Variants in NSUN6 observed in about 807,000 individuals in gnomAD.
NSUN6 encodes the protein NOP2/Sun RNA methyltransferase 6, also known as tRNA (cytosine(72)-C(5))-methyltransferase NSUN6.
In NSUN6, 64 loss-of-function variants were observed where a neutral mutation model predicts 58.0. The observed-to-expected ratio is 1.10, with a 90% CI of 0.90 to 1.36. The LOEUF (loss-of-function observed/expected upper bound fraction) is 1.36. Ranked by LOEUF, NSUN6 falls within the 40% of genes most tolerant of loss-of-function variation. The pLI is 0.00. For missense variants in NSUN6, 701 were observed against 550.1 expected (o/e 1.27, Z -2.74); for synonymous variants, 231 against 193.9 (o/e 1.19, Z -1.59).
At chr10:18,652,127 CACAG>C, upstream of NSUN6, 7 of 985,222 alleles carry the variant, frequency 7.1e-6, no homozygotes, top group Non-Finnish European at 8.4e-6. Context: ...ACTTAAAACC[CACAG>C]ACAGTGTTTA....
chr10:18,650,992 G>T (rs2059687472), intron 1 of NSUN6, 137 bp downstream of exon 1: 2 of 932,502 alleles, frequency 2.1e-6, no homozygotes, highest in African/African-American at 1.7e-5. Context: ...AAACATATTG[G>T]TATTTTTACA....
rs7080098 is a variant in NSUN6 at position 18,649,551 on chromosome 10, C to T, written c.76-906G>A. Among the ~76,000 whole-genome samples the T allele has an allele frequency of 1.0e-2, 1,513 of 151,676 alleles. 31 individuals carry two copies. Among genetic ancestry groups the T allele is most frequent in the African/African-American group, 0.035 (1,457 of 41,320 alleles). On this transcript the variant is annotated intron_variant, in intron 1 of 10. Coordinates refer to ENST00000377304, the MANE Select transcript of NSUN6 (RefSeq NM_182543.5). ...GCTGAGGTGAGAGGATCACTTGAGT[C>T]CCAGAGGTCGAAGCAGCAGTGAGCT...
rs1308810498 is a variant in NSUN6 at position 18,614,484 on chromosome 10, A to G, written c.551T>C (p.Ile184Thr). 5.8e-6 allele frequency: 9 copies of G among 1,553,702 alleles called. No homozygotes were observed. Among genetic ancestry groups the G allele is most frequent in the Non-Finnish European group, 6.9e-6 (8 of 1,154,552 alleles). ...NGISELSRKEIFSGLPELKGM... is the reference protein window; with the variant it reads ...NGISELSRKETFSGLPELKGM... ...CTTCAGTTCAGGTAATCCACTGAAG[A>G]TTTCTTTGCGGCTTAGTTCAGAAAT... is the stretch of plus-strand genomic sequence containing the variant. The change falls in exon 5 of 11, where the codon ATC (isoleucine) becomes ACC (threonine). Residue 184 changes from isoleucine to threonine, a missense_variant. Ile to Thr is a moderately conservative substitution (Grantham distance 89). Coordinates refer to ENST00000377304, the MANE Select transcript of NSUN6 (RefSeq NM_182543.5).
intron 3 of NSUN6, among the ~76,000 whole-genome samples, chr10:18,626,259 G>A (rs1256894823): frequency 6.6e-6 from 1 of 151,728 alleles, no homozygotes; most frequent in Non-Finnish European, 1.5e-5. Flanking sequence ...AGAAAAACTG[G>A]CCAGGCATGG....
At position 18,642,492 on chromosome 10, in the gene NSUN6, G is replaced by A. The variant is rs912504458; in HGVS notation, c.295C>T (p.Pro99Ser). 14 of 1,527,680 alleles carry A rather than the reference G, an allele frequency of 9.2e-6. No homozygotes were observed. Among genetic ancestry groups the A allele is most frequent in the Non-Finnish European group, 1.2e-5 (13 of 1,102,992 alleles). The allele number at this position is 1,527,680 out of a possible 1,614,324, so 94.6% of individuals were successfully genotyped here. ...HPDLQDVLLI[P>S]VIGPRKNIKK... ...CTTACAAACCTGGGTCCAATAACAG[G>A]AATAAGTAACACATCTTGAAGGTCT... is the stretch of plus-strand genomic sequence containing the variant. Residue 99 changes from proline to serine, a missense_variant, in exon 3 of 11, where the codon CCT becomes TCT. Pro to Ser is a moderately conservative substitution (Grantham distance 74). Transcript: ENST00000377304.
intron 8 of NSUN6, among the ~76,000 whole-genome samples, chr10:18,573,095 T>C (rs913079697): frequency 1.3e-5 from 2 of 149,380 alleles, no homozygotes; most frequent in African/African-American, 5.0e-5. Flanking sequence ...TCCATTCCAT[T>C]CCATCCTCCG....
intron 8 of NSUN6, among the ~76,000 whole-genome samples, chr10:18,552,926 T>C (rs935722994): frequency 2.0e-5 from 3 of 148,154 alleles, no homozygotes; most frequent in Admixed American, 6.7e-5. Context: ...TACACTCGAC[T>C]CTCCATTCCA....
chr10:18,621,549 C>T (rs528252224), intron 3 of NSUN6, among the ~76,000 whole-genome samples: 6 of 151,948 alleles, frequency 3.9e-5, no homozygotes, highest in Admixed American at 2.0e-4. Context: ...AAAGAGCAAA[C>T]GTAAAAGTTG....
intron 2 of NSUN6, among the ~76,000 whole-genome samples, chr10:18,645,696 G>A (rs1368272928): frequency 1.3e-5 from 2 of 152,132 alleles, no homozygotes; most frequent in African/African-American, 2.4e-5. Context: ...CATTCATGCT[G>A]GAGAATTTAT....
intron 9 of NSUN6, among the ~76,000 whole-genome samples, chr10:18,548,543 G>T (rs1280000230): frequency 6.6e-6 from 1 of 152,046 alleles, no homozygotes; most frequent in Non-Finnish European, 1.5e-5. Context: ...ACATTTTTAG[G>T]CCACATCAAC....
At chr10:18,605,292 A>G (rs2058008870) in intron 6 of NSUN6, among the ~76,000 whole-genome samples, 1 of 152,162 alleles carries the variant, frequency 6.6e-6, no homozygotes, top group South Asian at 2.1e-4. Context: ...GGACAATTTC[A>G]GCACCAAAAT....
intron 2 of NSUN6, among the ~76,000 whole-genome samples, chr10:18,644,359 C>A (rs1017601772): frequency 1.3e-5 from 2 of 152,180 alleles, no homozygotes; most frequent in African/African-American, 4.8e-5. Flanking sequence ...TGGTCAAAGT[C>A]AAAATGCAGG....
At chr10:18,556,458 G>A (rs542606996) in intron 8 of NSUN6, among the ~76,000 whole-genome samples, 1 of 150,538 alleles carries the variant, frequency 6.6e-6, no homozygotes, top group South Asian at 2.1e-4. Context: ...AGAATGGGAT[G>A]AAATGGAGAA....
intron 3 of NSUN6, among the ~76,000 whole-genome samples, chr10:18,629,503 G>A (rs7903605): frequency 0.32 from 44,235 of 138,934 alleles, 7,530 homozygotes; most frequent in East Asian, 0.71. Flanking sequence ...CTGTATTCAG[G>A]AAACCCATCT....
chr10:18,631,097 T>A (rs1293729681), intron 3 of NSUN6, among the ~76,000 whole-genome samples: 2 of 150,446 alleles, frequency 1.3e-5, no homozygotes, highest in African/African-American at 2.4e-5. Context: ...GGCTGGTTCA[T>A]TATACCCAAA....
At chr10:18,628,835 A>T (rs1295722147) in intron 3 of NSUN6, among the ~76,000 whole-genome samples, 1 of 152,210 alleles carries the variant, frequency 6.6e-6, no homozygotes, top group Non-Finnish European at 1.5e-5. Context: ...ACTCTGCAGG[A>T]TATTATCCAG....
chr10:18,559,099 G>C (rs2055280625), intron 8 of NSUN6, among the ~76,000 whole-genome samples: 1 of 149,254 alleles, frequency 6.7e-6, no homozygotes, highest in South Asian at 2.1e-4. Flanking sequence ...AATGGAATTG[G>C]AAATGGAGGA....
At chr10:18,613,954 G>T (rs1391412384) in intron 5 of NSUN6, among the ~76,000 whole-genome samples, 1 of 152,052 alleles carries the variant, frequency 6.6e-6, no homozygotes, top group Non-Finnish European at 1.5e-5. Flanking sequence ...TAGCAACCAG[G>T]AATGATTTAG....
At chr10:18,555,213 G>A (rs1434698169) in intron 8 of NSUN6, among the ~76,000 whole-genome samples, 4 of 151,512 alleles carry the variant, frequency 2.6e-5, no homozygotes, top group African/African-American at 9.7e-5. Flanking sequence ...ATATGGAATG[G>A]AATGGAGGAT....
Sources: gnomAD v4.1 joint callset for allele counts (sites outside exome capture counted in the v4.1 genomes callset) on GRCh38, gnomAD v4.1.1 for gene constraint, MANE v1.5 for transcripts, NCBI Gene and HGNC (gene_info 2026-07-23, HGNC 2026-07-21) for gene names.